Variants in BRSK2 observed in about 807,000 individuals in gnomAD.
BRSK2 encodes BR serine/threonine kinase 2.
A neutral mutation model predicts 83.3 loss-of-function variants in BRSK2; 19 were observed. The observed-to-expected ratio is 0.23, with a 90% CI of 0.16 to 0.33. The LOEUF is 0.33. BRSK2 is among the 10% of genes least tolerant of loss of function. The pLI, the probability that BRSK2 is intolerant of heterozygous loss-of-function variation, is 1.00. For synonymous variants in BRSK2, 519 were observed against 435.4 expected, an observed-to-expected ratio of 1.19 and a Z score of -2.39; for missense variants, 798 against 1,042.3, an observed-to-expected ratio of 0.77 and a Z score of 3.23.
chr11:1,391,156 CCA>C (rs1845703090), intron 1 of BRSK2, among the ~76,000 whole-genome samples: 1 of 152,232 alleles, frequency 6.6e-6, no homozygotes, highest in African/African-American at 2.4e-5. Flanking sequence ...TCGCATGTGG[CCA>C]ACTCTCCCCG....
In BRSK2 at chr11:1,441,102, C is replaced by T. The variant is rs1158529740; in HGVS notation, c.413+174C>T. 4.1e-4 allele frequency among the ~76,000 whole-genome samples: 59 copies of T among 143,204 alleles called. 1 individual carries two copies. Among genetic ancestry groups the T allele is most frequent in the Admixed American group, 1.3e-3 (18 of 14,386 alleles). The allele number at this position is 143,204 out of a possible 152,430, so 93.9% of individuals were successfully genotyped here. A position where few individuals can be genotyped will look rare whatever the true frequency, so the allele number is the denominator to read the frequency against. On this transcript the variant is annotated intron_variant, in intron 4 of 19. Transcript: ENST00000528841. ...ACCATCTCCTCCTCCCCATTAGCTG[C>T]CCCTCAAGTGCACTGTCCCCTCCAT... is the stretch of plus-strand genomic sequence containing the variant.
intron 1 of BRSK2, among the ~76,000 whole-genome samples, chr11:1,406,224 A>G (rs897478357): frequency 1.3e-5 from 2 of 152,116 alleles, no homozygotes; most frequent in Admixed American, 1.3e-4. Context: ...TAATCCCAGC[A>G]CTTTGGGAGG....
chr11:1,409,064 G>A (rs539539007), intron 1 of BRSK2, among the ~76,000 whole-genome samples: 5 of 152,294 alleles, frequency 3.3e-5, no homozygotes, highest in Admixed American at 3.3e-4. Flanking sequence ...GGATGTGTGT[G>A]TATGTGTGTG....
chr11:1,445,424 C>T lies in BRSK2; in HGVS notation c.943C>T (p.Arg315Cys), dbSNP rs779426839. ...SMHSLGCFRD[R>C]NKLLQDLLSE... is the part of the protein sequence containing the mutation. ...GCACTCACTGGGCTGCTTCCGAGACCGCAACAAGCTGCTGCAGGACCTGCT... is the reference window on the plus strand; with the variant it reads ...GCACTCACTGGGCTGCTTCCGAGACTGCAACAAGCTGCTGCAGGACCTGCT... The change falls in exon 10 of 20, where the codon CGC becomes TGC. Residue 315 changes from arginine to cysteine, a missense_variant. By Grantham distance (180) the Arg-to-Cys change is radical (BLOSUM62 -3). Transcript: ENST00000528841. The T allele has an allele frequency of 1.4e-5, 23 of 1,611,798 alleles. No individual in the cohort carries two copies. The highest frequency in any genetic ancestry group is 2.7e-5 in the African/African-American group (2 of 74,924).
Sources: allele counts gnomAD v4.1 joint callset (sites outside exome capture counted in the v4.1 genomes callset), GRCh38; gene constraint gnomAD v4.1.1; transcripts MANE v1.5; gene names NCBI Gene and HGNC (gene_info 2026-07-23, HGNC 2026-07-21).